Variants in EXOSC8 observed in about 807,000 individuals in gnomAD.
EXOSC8 encodes exosome component 8.
A neutral mutation model predicts 39.9 loss-of-function variants in EXOSC8; 37 were observed. The ratio of observed to expected loss-of-function variants is 0.93; its 90% CI spans 0.71 to 1.22. The LOEUF is 1.22. Among genes scored for constraint, EXOSC8 ranks in the 50% most tolerant of loss-of-function variants. EXOSC8 has a pLI of 0.00. For missense variants in EXOSC8, 313 were observed against 326.6 expected, an observed-to-expected ratio of 0.96 and a Z score of 0.32; for synonymous variants, 93 against 109.5, an observed-to-expected ratio of 0.85 and a Z score of 0.94.
rs2059093722 is a variant in EXOSC8, at chr13:37,000,816, G to C, written c.11G>C (p.Gly4Ala). The C allele has an allele frequency of 1.3e-6, 2 of 1,580,906 alleles. No individual in the cohort carries two copies. Among genetic ancestry groups the C allele is most frequent in the East Asian group, 2.4e-5 (1 of 42,384 alleles). The part of the protein sequence containing the change: MAA[G>A]FKTVEPLEYY... ...CGCGCGGGCGGGAAGATGGCGGCTG[G>C]GTTCAAGTGAGTGTTGGCGGGTGGC... Residue 4 changes from glycine (G) to alanine (A), a missense_variant, in exon 1 of 11, where the codon GGG becomes GCG. Transcript: ENST00000389704.
intron 7 of EXOSC8, 126 bp from the exon 8 acceptor site, chr13:37,006,844 TTAAGG>T (rs1223559211): frequency 3.3e-6 from 2 of 603,938 alleles, no homozygotes; most frequent in African/African-American, 3.8e-5. Flanking sequence ...AAGCATTTTC[TTAAGG>T]TTTTTGAGCC....
At chr13:37,008,378 G>A (rs529579857) in intron 9 of EXOSC8, among the ~76,000 whole-genome samples, 99 of 152,304 alleles carry the variant, frequency 6.5e-4, no homozygotes, top group Non-Finnish European at 1.1e-3. Flanking sequence ...TTATACCTGT[G>A]TAATGTTAAT....
Position 37,004,543 on chromosome 13 carries a change from CCT to C in EXOSC8, c.221_222del (p.Pro74ArgfsTer2), listed in dbSNP as rs1271284782. On this transcript the variant is annotated frameshift_variant, in exon 5 of 11. Coordinates refer to ENST00000389704, the MANE Select transcript of EXOSC8 (RefSeq NM_181503.3). LOFTEE classifies it high-confidence loss of function. ...AEFAAPSTDA[P>X]DKGYVVPNVD... Reference sequence around the variant, plus strand: ...ATTTGCAGCACCATCAACAGATGCCCCTGATAAAGGATACGTTGGTAAGTTAA... The same window carrying C: ...ATTTGCAGCACCATCAACAGATGCCCGATAAAGGATACGTTGGTAAGTTAA... The C allele has an allele frequency of 6.2e-7, 1 of 1,606,306 alleles. No individual in the cohort carries two copies. Among genetic ancestry groups the C allele is most frequent in the Non-Finnish European group, 8.5e-7 (1 of 1,173,984 alleles).
In EXOSC8 at chr13:37,004,581, A is replaced by G; in HGVS notation, c.238+20A>G. On this transcript the variant is annotated intron_variant, in intron 5 of 10. Transcript: ENST00000389704. ...ACGTTGGTAAGTTAAATGGTTTTGT[A>G]ATTTTAATACAAATACTTTTAACAC... 1 of 1,519,188 alleles carries G rather than the reference A, an allele frequency of 6.6e-7. No homozygotes were observed. Among genetic ancestry groups the G allele is most frequent in the Non-Finnish European group, 9.1e-7 (1 of 1,097,476 alleles). The allele number at this position is 1,519,188 out of a possible 1,614,324, so 94.1% of individuals were successfully genotyped here. A position where few individuals can be genotyped will look rare whatever the true frequency, so the allele number is the denominator to read the frequency against.
rs765433320 is a variant in EXOSC8 at position 37,004,673 on chromosome 13, A to G, written c.238+112A>G. The stretch of plus-strand genomic sequence containing the variant: ...AGAAAATTATTCCTAATATTCGGAA[A>G]TATTTATGAATAAAACAAATTCCTC... On this transcript the variant is annotated intron_variant, in intron 5 of 10. Transcript: ENST00000389704. 9.9e-4 allele frequency: 648 copies of G among 651,916 alleles called. 1 individual carries two copies. Among genetic ancestry groups the G allele is most frequent in the Middle Eastern group, 2.5e-3 (6 of 2,374 alleles). The allele number at this position is 651,916 out of a possible 1,614,324, so 40.4% of individuals were successfully genotyped here. A position where few individuals can be genotyped will look rare whatever the true frequency, so the allele number is the denominator to read the frequency against.
At chr13:37,002,155 T>C in intron 1 of EXOSC8, 118 bp from the exon 2 acceptor site, 1 of 694,706 alleles carries the variant, frequency 1.4e-6, no homozygotes, top group Admixed American at 2.4e-5. Flanking sequence ...GAATTACTTT[T>C]AGTTAAAAAG....
chr13:37,009,316 C>A lies in EXOSC8; in HGVS notation c.*17C>A. 7.1e-7 allele frequency: 1 copy of A among 1,401,276 alleles called. No individual in the cohort carries two copies. Among genetic ancestry groups the A allele is most frequent in the Non-Finnish European group, 1.0e-6 (1 of 992,158 alleles). 86.8% of individuals were successfully genotyped at this position (1,401,276 alleles called of 1,614,324 possible). A position where few individuals can be genotyped will look rare whatever the true frequency, so the allele number is the denominator to read the frequency against. ...CCCAAATAAACAGCCACCACATTTT[C>A]AAAACAGATTTGTAAAAATTGTATT... is the stretch of plus-strand genomic sequence containing the variant. On this transcript the variant is annotated 3_prime_UTR_variant, in exon 11 of 11. Coordinates refer to ENST00000389704, the MANE Select transcript of EXOSC8 (RefSeq NM_181503.3).
chr13:37,009,087 T>C, intron 10 of EXOSC8, 97 bp from the exon 11 acceptor site: 2 of 805,870 alleles, frequency 2.5e-6, no homozygotes, highest in Non-Finnish European at 4.1e-6. Flanking sequence ...TGATTTACAT[T>C]ATCCAATTTT....
intron 8 of EXOSC8, 75 bp downstream of exon 8, chr13:37,007,146 A>G (rs768651123): frequency 8.1e-5 from 76 of 941,380 alleles, no homozygotes; most frequent in African/African-American, 3.2e-4. Flanking sequence ...TTTAATGTAC[A>G]TTTGCTTTCG....
chr13:37,003,769 A>G (rs2059120982), intron 4 of EXOSC8: 1 of 152,250 alleles, frequency 6.6e-6, no homozygotes, highest in Non-Finnish European at 1.5e-5. Flanking sequence ...CCATTTGACA[A>G]GATGAGGAGT....
chr13:37,002,533 A>C lies in EXOSC8; in HGVS notation c.100A>C (p.Thr34Pro). ...PDGRELGEFR[T>P]TTVNIGSIST... ...TGGAAGAGAACTTGGTGAATTCAGA[A>C]CCACAACTGTCAACATCGGTAAGGA... Residue 34 changes from threonine to proline, a missense_variant, in exon 3 of 11, where the codon ACC becomes CCC. Coordinates refer to ENST00000389704, the MANE Select transcript of EXOSC8 (RefSeq NM_181503.3). 6.3e-7 allele frequency: 1 copy of C among 1,592,412 alleles called. No homozygotes were observed. Among genetic ancestry groups the C allele is most frequent in the South Asian group, 1.2e-5 (1 of 86,472 alleles).
chr13:37,009,334 ATTGTAT>A lies in EXOSC8; in HGVS notation c.*40_*45del, dbSNP rs1463836641. 8.0e-7 allele frequency: 1 copy of A among 1,256,066 alleles called. No homozygotes were observed. Among genetic ancestry groups the A allele is most frequent in the East Asian group, 2.3e-5 (1 of 42,826 alleles). 77.8% of individuals were successfully genotyped at this position (1,256,066 alleles called of 1,614,324 possible). A position where few individuals can be genotyped will look rare whatever the true frequency, so the allele number is the denominator to read the frequency against. Reference sequence around the variant, plus strand: ...ACATTTTCAAAACAGATTTGTAAAAATTGTATTTGTTAACACTGTGCACAAACGTTT... The same window carrying A: ...ACATTTTCAAAACAGATTTGTAAAAATTGTTAACACTGTGCACAAACGTTT... On this transcript the variant is annotated 3_prime_UTR_variant, in exon 11 of 11. Coordinates refer to ENST00000389704, the MANE Select transcript of EXOSC8 (RefSeq NM_181503.3).
rs761485790 is a variant in EXOSC8, at chr13:37,008,852, TCAGTC to T, written c.715+19_715+23del. 13 of 1,495,294 alleles carry T rather than the reference TCAGTC, an allele frequency of 8.7e-6. No individual in the cohort carries two copies. In the African/African-American group the frequency reaches 1.8e-4, roughly 21 times the overall value. 92.6% of individuals were successfully genotyped at this position (1,495,294 alleles called of 1,614,324 possible). ...ACAAACCAGGCATGTTCCCGCCACT[TCAGTC>T]CTAAACATATGTAGATGAAAACTCA... is the stretch of plus-strand genomic sequence containing the variant. On this transcript the variant is annotated intron_variant, in intron 10 of 10. Coordinates refer to ENST00000389704, the MANE Select transcript of EXOSC8 (RefSeq NM_181503.3).
intron 3 of EXOSC8, 45 bp downstream of exon 3, chr13:37,002,596 T>A: frequency 7.6e-7 from 1 of 1,309,620 alleles, no homozygotes. Context: ...ATTCCCAAGT[T>A]TTAGTCTATG....
At chr13:37,008,661 G>A in intron 9 of EXOSC8, 68 bp from the exon 10 acceptor site, 2 of 947,072 alleles carry the variant, frequency 2.1e-6, no homozygotes, top group South Asian at 2.9e-5. Context: ...GAGGCTGATA[G>A]TATGTTTAGT....
intron 1 of EXOSC8, among the ~76,000 whole-genome samples, chr13:37,001,315 A>G (rs185299298): frequency 1.2e-4 from 18 of 152,238 alleles, no homozygotes; most frequent in Non-Finnish European, 2.4e-4. Flanking sequence ...AGGCTGAGGC[A>G]GGAGAATCGC....
chr13:37,006,837 C>G (rs911597646), intron 7 of EXOSC8, 138 bp from the exon 8 acceptor site: 1 of 585,318 alleles, frequency 1.7e-6, no homozygotes, highest in East Asian at 2.9e-5. Flanking sequence ...AAAGGTGAAG[C>G]ATTTTCTTAA....
chr13:37,008,842 TC>T lies in EXOSC8; in HGVS notation c.715+10del. On this transcript the variant is annotated splice_region_variant and intron_variant, in intron 10 of 10. Coordinates refer to ENST00000389704, the MANE Select transcript of EXOSC8 (RefSeq NM_181503.3). Reference sequence around the variant, plus strand: ...TGTTGTCTTCACAAACCAGGCATGTTCCCGCCACTTCAGTCCTAAACATATG... The same window carrying T: ...TGTTGTCTTCACAAACCAGGCATGTTCCGCCACTTCAGTCCTAAACATATG... The T allele has an allele frequency of 6.6e-7, 1 of 1,513,484 alleles. No homozygotes were observed. The highest frequency in any genetic ancestry group is 1.1e-5 in the South Asian group (1 of 87,044). 93.8% of individuals were successfully genotyped at this position (1,513,484 alleles called of 1,614,324 possible).
chr13:37,001,352 T>C (rs1198804045), intron 1 of EXOSC8: 2 of 152,642 alleles, frequency 1.3e-5, no homozygotes, highest in Non-Finnish European at 2.9e-5. Flanking sequence ...GAGGTTGTAG[T>C]GAGCCGAGAT....
Sources: allele counts gnomAD v4.1 joint callset (sites outside exome capture counted in the v4.1 genomes callset), GRCh38; gene constraint gnomAD v4.1.1; transcripts MANE v1.5; gene names NCBI Gene and HGNC (gene_info 2026-07-23, HGNC 2026-07-21).